PHACTR3: variants seen among roughly 807,000 people sequenced by gnomAD.
The protein encoded by PHACTR3 is phosphatase and actin regulator 3.
Under a neutral mutation model 66.8 loss-of-function variants are expected in PHACTR3, and 16 were observed. That is an observed-to-expected ratio of 0.24 (90% CI 0.16 to 0.36). The LOEUF is 0.36. PHACTR3 is among the 10% of genes least tolerant of loss of function. The pLI, the probability that PHACTR3 is intolerant of heterozygous loss-of-function variation, is 1.00. For synonymous variants in PHACTR3, 323 were observed against 292.1 expected (o/e 1.11, Z -1.08); for missense variants, 647 against 719.9 (o/e 0.90, Z 1.16).
chr20:59,682,367 AAG>A (rs1387624780), intron 1 of PHACTR3, among the ~76,000 whole-genome samples: 2 of 152,154 alleles, frequency 1.3e-5, no homozygotes, highest in African/African-American at 4.8e-5. Flanking sequence ...AAACAAAAAA[AAG>A]GGAAAGAAAT....
chr20:59,662,089 C>T (rs1008135293), intron 1 of PHACTR3, among the ~76,000 whole-genome samples: 2 of 152,176 alleles, frequency 1.3e-5, no homozygotes, highest in African/African-American at 4.8e-5. Context: ...TTCATTCATT[C>T]CTTCATTTAT....
At chr20:59,780,538 G>T (rs567405259) in intron 7 of PHACTR3, among the ~76,000 whole-genome samples, 1 of 152,144 alleles carries the variant, frequency 6.6e-6, no homozygotes, top group East Asian at 1.9e-4. Flanking sequence ...CAATCCCATT[G>T]GTGAGGGTTC....
At chr20:59,795,408 TTA>T (rs1245216422) in intron 7 of PHACTR3, among the ~76,000 whole-genome samples, 1 of 184 alleles carries the variant, frequency 5.4e-3, no homozygotes, top group Non-Finnish European at 6.9e-3. Context: ...GCCTAATATA[TTA>T]TCTAGGAGAA....
chr20:59,793,960 T>TA (rs1453161817), intron 7 of PHACTR3, among the ~76,000 whole-genome samples: 1 of 151,772 alleles, frequency 6.6e-6, no homozygotes, highest in Non-Finnish European at 1.5e-5. Context: ...TCATTTCTAC[T>TA]AAAAATACAA....
chr20:59,764,847 G>A (rs1322951421), intron 4 of PHACTR3, among the ~76,000 whole-genome samples: 1 of 152,078 alleles, frequency 6.6e-6, no homozygotes, highest in African/African-American at 2.4e-5. Context: ...GAAAAGGGGT[G>A]GGACCCCCCC....
intron 1 of PHACTR3, among the ~76,000 whole-genome samples, chr20:59,695,143 C>T (rs762306392): frequency 1.4e-4 from 22 of 152,094 alleles, no homozygotes; most frequent in Admixed American, 8.5e-4. Flanking sequence ...ATTTTTCCTA[C>T]GGGTACCTGT....
intron 1 of PHACTR3, among the ~76,000 whole-genome samples, chr20:59,715,227 T>C (rs2038052472): frequency 6.6e-6 from 1 of 152,236 alleles, no homozygotes; most frequent in South Asian, 2.1e-4. Flanking sequence ...AAGATTTGAA[T>C]ATTTCATCCT....
chr20:59,767,243 C>T lies in PHACTR3; in HGVS notation c.599C>T (p.Thr200Ile), dbSNP rs763008019. The change falls in exon 5 of 13, where the codon ACC (threonine) becomes ATC (isoleucine). Residue 200 changes from threonine (T) to isoleucine (I), a missense_variant. This residue lies in a region of PHACTR3 where 577 missense variants were observed against 571.1 expected (regional missense o/e 1.01). Coordinates refer to ENST00000371015, the MANE Select transcript of PHACTR3 (RefSeq NM_080672.5). The part of the protein sequence containing the change: ...EEADAGSLLP[T>I]TNELSQALAG... ...GCAGACGCTGGCAGCCTCCTGCCCACCACCAATGAGCTCTCCCAAGCCTTA... is the reference window on the plus strand; with the variant it reads ...GCAGACGCTGGCAGCCTCCTGCCCATCACCAATGAGCTCTCCCAAGCCTTA... 6.2e-7 allele frequency: 1 copy of T among 1,614,154 alleles called. No individual in the cohort carries two copies. Among genetic ancestry groups the T allele is most frequent in the African/African-American group, 1.3e-5 (1 of 74,958 alleles).
At chr20:59,667,251 A>G (rs1195213647) in intron 1 of PHACTR3, among the ~76,000 whole-genome samples, 3 of 152,252 alleles carry the variant, frequency 2.0e-5, no homozygotes, top group African/African-American at 7.2e-5. Flanking sequence ...AAGTAAAAGT[A>G]AAAAATCAAC....
intron 4 of PHACTR3, among the ~76,000 whole-genome samples, chr20:59,759,217 C>T (rs976590468): frequency 3.9e-5 from 6 of 152,056 alleles, no homozygotes; most frequent in Admixed American, 6.6e-5. Context: ...TGGGATCCTG[C>T]GCCAGGGACC....
chr20:59,664,157 A>C (rs2035911065), intron 1 of PHACTR3, among the ~76,000 whole-genome samples: 1 of 152,238 alleles, frequency 6.6e-6, no homozygotes. Context: ...TAATTAACAA[A>C]TGGATAAGAA....
chr20:59,839,343 C>A lies in PHACTR3; in HGVS notation c.1385-1026C>A, dbSNP rs533448292. Among the ~76,000 whole-genome samples, 15 of 152,262 alleles carry A rather than the reference C, an allele frequency of 9.9e-5. No homozygotes were observed. In the South Asian group the frequency reaches 3.1e-3, roughly 32 times the overall value. ...TCACTTAAAAAAAATTACTGGAAAG[C>A]ACAATATATTAAACTCTCATATAAC... On this transcript the variant is annotated intron_variant, in intron 9 of 12. Coordinates refer to ENST00000371015, the MANE Select transcript of PHACTR3 (RefSeq NM_080672.5).
chr20:59,652,698 G>A (rs1266429928), intron 1 of PHACTR3, among the ~76,000 whole-genome samples: 1 of 151,876 alleles, frequency 6.6e-6, no homozygotes, highest in African/African-American at 2.4e-5. Flanking sequence ...CTCTTTAAGA[G>A]TGTACATTTT....
At chr20:59,641,467 C>G (rs1051631127) in intron 1 of PHACTR3, among the ~76,000 whole-genome samples, 1 of 152,234 alleles carries the variant, frequency 6.6e-6, no homozygotes, top group Non-Finnish European at 1.5e-5. Context: ...CTGCAGAAGA[C>G]TGATGATTCA....
chr20:59,773,062 C>G (rs1276177755), intron 5 of PHACTR3, among the ~76,000 whole-genome samples: 1 of 152,200 alleles, frequency 6.6e-6, no homozygotes, highest in African/African-American at 2.4e-5. Flanking sequence ...TGGCCCCTAA[C>G]AGGGTTTGCC....
intron 1 of PHACTR3, among the ~76,000 whole-genome samples, chr20:59,660,928 T>G (rs866634766): frequency 2.6e-5 from 4 of 152,258 alleles, no homozygotes; most frequent in Non-Finnish European, 5.9e-5. Flanking sequence ...AAACACTTTC[T>G]ATTTGTCCTT....
intron 5 of PHACTR3, among the ~76,000 whole-genome samples, chr20:59,771,344 G>A (rs923126475): frequency 3.3e-5 from 5 of 152,132 alleles, no homozygotes; most frequent in Non-Finnish European, 5.9e-5. Flanking sequence ...GAGCAGCCTG[G>A]GGAGGCTGAG....
In PHACTR3 at chr20:59,701,458, G is replaced by A. The variant is rs1190899724; in HGVS notation, c.119-41649G>A. 7.3e-4 allele frequency among the ~76,000 whole-genome samples: 111 copies of A among 152,324 alleles called. No homozygotes were observed. The Middle Eastern group carries it at 0.014, about 19-fold the overall frequency. On this transcript the variant is annotated intron_variant, in intron 1 of 12. Coordinates refer to ENST00000371015, the MANE Select transcript of PHACTR3 (RefSeq NM_080672.5). ...TACCATCTGTCTGCCAGTCTCTGGG[G>A]ACACTAGTTACTCTGACAGTCTAGC...
intron 1 of PHACTR3, among the ~76,000 whole-genome samples, chr20:59,669,262 A>C (rs551684937): frequency 3.9e-5 from 6 of 152,240 alleles, no homozygotes; most frequent in African/African-American, 1.4e-4. Flanking sequence ...AGCACTGAGG[A>C]GTTTTCTCAG....
Sources: gnomAD v4.1 joint callset for allele counts (sites outside exome capture counted in the v4.1 genomes callset) on GRCh38, gnomAD v4.1.1 for gene constraint, gnomAD v4.1.1 regional missense constraint, MANE v1.5 for transcripts, NCBI Gene and HGNC (gene_info 2026-07-23, HGNC 2026-07-21) for gene names.